Variants in RHBDD2 observed in about 807,000 individuals in gnomAD.
RHBDD2 encodes rhomboid domain containing 2, also known as rhomboid domain-containing protein 2.
A neutral mutation model predicts 21.7 loss-of-function variants in RHBDD2; 13 were observed. The ratio of observed to expected loss-of-function variants is 0.60; its 90% CI spans 0.39 to 0.95. The LOEUF is 0.95. RHBDD2 is among the 40% of genes least tolerant of loss of function. The pLI is 0.00. For missense variants in RHBDD2, 473 were observed against 478.9 expected (o/e 0.99, Z 0.11); for synonymous variants, 225 against 220.0 (o/e 1.02, Z -0.20).
At chr7:75,886,642 A>G (rs977566073) in intron 3 of RHBDD2, among the ~76,000 whole-genome samples, 5 of 151,934 alleles carry the variant, frequency 3.3e-5, no homozygotes, top group African/African-American at 7.3e-5. Flanking sequence ...GTGAAACCCC[A>G]TCTCTACTAA....
chr7:75,883,350 C>G (rs1465823393), intron 2 of RHBDD2: 1 of 169,602 alleles, frequency 5.9e-6, no homozygotes, highest in East Asian at 1.7e-4. Context: ...GAAACACTGT[C>G]TCTACTGAAA....
At chr7:75,885,801 A>G (rs1805625336) in intron 3 of RHBDD2, among the ~76,000 whole-genome samples, 1 of 152,030 alleles carries the variant, frequency 6.6e-6, no homozygotes, top group Non-Finnish European at 1.5e-5. Flanking sequence ...CCACTCACGC[A>G]AGGTCTGCCC....
rs1554544412 is a variant in RHBDD2 at position 75,888,118 on chromosome 7, C to T, written c.864C>T (p.Pro288=). ...TGGCCTCCTGGCCCTCCTGCACCCCCGGGCACATGCCCACCTTGCCTCCGT... is the reference window on the plus strand; with the variant it reads ...TGGCCTCCTGGCCCTCCTGCACCCCTGGGCACATGCCCACCTTGCCTCCGT... ...QKLASWPSCT[P]GHMPTLPPYQ... Residue 288 remains proline (P), a synonymous_variant, in exon 4 of 4, where the codon CCC becomes CCT. Transcript: ENST00000006777. 7.4e-6 allele frequency: 12 copies of T among 1,613,706 alleles called. No individual in the cohort carries two copies. The highest frequency in any genetic ancestry group is 3.3e-5 in the South Asian group (3 of 91,080).
At chr7:75,884,188 C>T (rs1468493366) in intron 3 of RHBDD2, among the ~76,000 whole-genome samples, 6 of 151,990 alleles carry the variant, frequency 3.9e-5, no homozygotes, top group African/African-American at 7.3e-5. Context: ...CCACTGCCCC[C>T]GGCCAAATGC....
intron 2 of RHBDD2, among the ~76,000 whole-genome samples, chr7:75,883,070 T>C (rs904102836): frequency 6.6e-6 from 1 of 152,152 alleles, no homozygotes; most frequent in Non-Finnish European, 1.5e-5. Flanking sequence ...TCCTGCCTTA[T>C]CCTGCTACAC....
In RHBDD2 at chr7:75,882,249, GC is replaced by G; in HGVS notation, c.586+14del. 1 of 1,597,466 alleles carries G rather than the reference GC, an allele frequency of 6.3e-7. No individual in the cohort carries two copies. Among genetic ancestry groups the G allele is most frequent in the Non-Finnish European group, 8.5e-7 (1 of 1,170,726 alleles). ...ATCGGGCTGGCCTGTATCCTTCCTA[GC>G]AGAGAGCTATAGAACAACGCATGTC... On this transcript the variant is annotated intron_variant, in intron 2 of 3. Coordinates refer to ENST00000006777, the MANE Select transcript of RHBDD2 (RefSeq NM_001040456.3).
chr7:75,881,911 T>C lies in RHBDD2; in HGVS notation c.261T>C (p.Ala87=). The change falls in exon 2 of 4, where the codon GCT becomes GCC. Residue 87 remains alanine (A), a synonymous_variant. Transcript: ENST00000006777. ...LCGAIIIWRF[A]GNFERTVGTV... ...GCGCTATCATCATCTGGCGCTTTGC[T>C]GGCAATTTCGAGAGAACCGTGGGCA... 6.2e-7 allele frequency: 1 copy of C among 1,614,254 alleles called. No individual in the cohort carries two copies. Among genetic ancestry groups the C allele is most frequent in the Non-Finnish European group, 8.5e-7 (1 of 1,180,046 alleles).
At chr7:75,886,572 T>C (rs1452828593) in intron 3 of RHBDD2, among the ~76,000 whole-genome samples, 3 of 152,038 alleles carry the variant, frequency 2.0e-5, no homozygotes, top group Admixed American at 1.3e-4. Flanking sequence ...CCCAGCACTT[T>C]GGGAGGCTGA....
At chr7:75,887,477 C>G (rs1042954707) in intron 3 of RHBDD2, among the ~76,000 whole-genome samples, 1 of 151,796 alleles carries the variant, frequency 6.6e-6, no homozygotes, top group African/African-American at 2.4e-5. Flanking sequence ...GCCACCACAC[C>G]TGGCTAATTT....
chr7:75,881,954 T>C lies in RHBDD2; in HGVS notation c.304T>C (p.Phe102Leu), dbSNP rs1554542627. ...RTVGTVRHCFFTVIFAIFSAI... is the reference protein window; with the variant it reads ...RTVGTVRHCFLTVIFAIFSAI... ...CGTGGGCACCGTCCGCCACTGCTTC[T>C]TCACCGTGATCTTCGCCATCTTCTC... is the stretch of plus-strand genomic sequence containing the variant. The change falls in exon 2 of 4, where the codon TTC (phenylalanine) becomes CTC (leucine). Residue 102 changes from phenylalanine to leucine, a missense_variant. Phe to Leu is a conservative substitution (Grantham distance 22). Transcript: ENST00000006777. 1.2e-6 allele frequency: 2 copies of C among 1,614,244 alleles called. No individual in the cohort carries two copies. The highest frequency in any genetic ancestry group is 1.6e-4 in the Middle Eastern group (1 of 6,062).
chr7:75,883,564 A>G lies in RHBDD2; in HGVS notation c.587-134A>G, dbSNP rs963805488. 12 of 745,632 alleles carry G rather than the reference A, an allele frequency of 1.6e-5. No individual in the cohort carries two copies. In the East Asian group the frequency reaches 2.1e-4, roughly 13 times the overall value. The allele number at this position is 745,632 out of a possible 1,614,324, so 46.2% of individuals were successfully genotyped here. A position where few individuals can be genotyped will look rare whatever the true frequency, so the allele number is the denominator to read the frequency against. ...GGCTCTGGGTTTCCCCTGAGCTGCAAACTCCAGCCAGAGTGTGCAGCGTGC... is the reference window on the plus strand; with the variant it reads ...GGCTCTGGGTTTCCCCTGAGCTGCAGACTCCAGCCAGAGTGTGCAGCGTGC... On this transcript the variant is annotated intron_variant, in intron 2 of 3. Transcript: ENST00000006777.
In RHBDD2 at chr7:75,879,152, A is replaced by G; in HGVS notation, c.70A>G (p.Thr24Ala). Residue 24 changes from threonine (T) to alanine (A), a missense_variant, in exon 1 of 4, where the codon ACT (threonine) becomes GCT (alanine). Thr to Ala is a moderately conservative substitution (Grantham distance 58, BLOSUM62 0). Transcript: ENST00000006777. The part of the protein sequence containing the change: ...CPEVPSATFF[T>A]ALLSLLVSGP... ...CGAGGTGCCATCCGCCACCTTCTTC[A>G]CTGCGCTGCTCTCGCTGCTGGTTTC... The G allele has an allele frequency of 6.7e-7, 1 of 1,486,520 alleles. No individual in the cohort carries two copies. The highest frequency in any genetic ancestry group is 9.0e-7 in the Non-Finnish European group (1 of 1,114,246). The allele number at this position is 1,486,520 out of a possible 1,614,324, so 92.1% of individuals were successfully genotyped here.
chr7:75,881,806 C>G, intron 1 of RHBDD2, 23 bp from the exon 2 acceptor site: 2 of 1,575,382 alleles, frequency 1.3e-6, no homozygotes, highest in Non-Finnish European at 8.6e-7. Context: ...GCCGCCAGGC[C>G]TCTAACCCGA....
chr7:75,887,835 G>A (rs1276940391), intron 3 of RHBDD2, among the ~76,000 whole-genome samples, 157 bp from the exon 4 acceptor site: 3 of 151,906 alleles, frequency 2.0e-5, no homozygotes, highest in Non-Finnish European at 2.9e-5. Flanking sequence ...TGGTCTGATT[G>A]GTTGAGGTTA....
At chr7:75,884,750 C>G (rs1805553181) in intron 3 of RHBDD2, among the ~76,000 whole-genome samples, 1 of 152,112 alleles carries the variant, frequency 6.6e-6, no homozygotes, top group Non-Finnish European at 1.5e-5. Context: ...CAGGAGGGCC[C>G]CCATCTAATT....
Position 75,888,267 on chromosome 7 carries a change from G to A in RHBDD2, c.1013G>A (p.Ser338Asn). The change falls in exon 4 of 4, where the codon AGC becomes AAC. Residue 338 changes from serine (S) to asparagine (N), a missense_variant. Ser to Asn is a conservative substitution (Grantham distance 46). Transcript: ENST00000006777. The stretch of plus-strand genomic sequence containing the variant: ...ATCCAGCCCCCCACGCCTGTGAACA[G>A]CCCTGGCACGGTGTATTCTGGGGCC... ...LGIQPPTPVN[S>N]PGTVYSGALG... The A allele has an allele frequency of 1.2e-6, 2 of 1,613,556 alleles. No homozygotes were observed. The highest frequency in any genetic ancestry group is 1.7e-6 in the Non-Finnish European group (2 of 1,179,956).
Position 75,888,077 on chromosome 7 carries a change from G to T in RHBDD2, c.823G>T (p.Ala275Ser), listed in dbSNP as rs782696848. 1 of 1,613,748 alleles carries T rather than the reference G, an allele frequency of 6.2e-7. No individual in the cohort carries two copies. Among genetic ancestry groups the T allele is most frequent in the South Asian group, 1.1e-5 (1 of 91,084 alleles). The stretch of plus-strand genomic sequence containing the variant: ...CCACCCTGTGTCCCAGACGCAGCAC[G>T]CCAGTGGTCAGAAGCTGGCCTCCTG... ...PSHPVSQTQH[A>S]SGQKLASWPS... Residue 275 changes from alanine (A) to serine (S), a missense_variant, in exon 4 of 4, where the codon GCC becomes TCC. Transcript: ENST00000006777.
Position 75,879,257 on chromosome 7 carries a change from C to A in RHBDD2, c.175C>A (p.Gln59Lys). ...GAAGTCCGAGGCCCTTCGCAACTGG[C>A]AAGGTGAGCAGGGGCGGGCCGGGAT... ...TLKSEALRNW[Q>K]VYRLVTYIFV... Residue 59 changes from glutamine (Q) to lysine (K), a missense_variant, in exon 1 of 4, where the codon CAA becomes AAA. By Grantham distance (53) the Gln-to-Lys change is moderately conservative. Coordinates refer to ENST00000006777, the MANE Select transcript of RHBDD2 (RefSeq NM_001040456.3). 1 of 1,505,076 alleles carries A rather than the reference C, an allele frequency of 6.6e-7. No individual in the cohort carries two copies. The highest frequency in any genetic ancestry group is 8.9e-7 in the Non-Finnish European group (1 of 1,126,218). The allele number at this position is 1,505,076 out of a possible 1,614,324, so 93.2% of individuals were successfully genotyped here.
rs147785193 is a variant in RHBDD2, at chr7:75,885,063, G to A, written c.737+1215G>A. On this transcript the variant is annotated intron_variant, in intron 3 of 3. Transcript: ENST00000006777. ...TGGGAGGTGGAGGTTGCAGTGCACC[G>A]AGATCACACCACAGCACTCCAGCCT... Among the ~76,000 whole-genome samples, 912 of 143,278 alleles carry A rather than the reference G, an allele frequency of 6.4e-3. 6 individuals carry two copies. Among genetic ancestry groups the A allele is most frequent in the African/African-American group, 0.022 (863 of 38,482 alleles). 94.0% of individuals were successfully genotyped at this position (143,278 alleles called of 152,430 possible).
Sources: allele counts gnomAD v4.1 joint callset (sites outside exome capture counted in the v4.1 genomes callset), GRCh38; gene constraint gnomAD v4.1.1; transcripts MANE v1.5; gene names NCBI Gene and HGNC (gene_info 2026-07-23, HGNC 2026-07-21).